Variants in MCPH1 observed in about 807,000 individuals in gnomAD.
The protein encoded by MCPH1 is microcephalin.
A neutral mutation model predicts 84.5 loss-of-function variants in MCPH1; 104 were observed. That is an observed-to-expected ratio of 1.23 (90% confidence interval 1.05 to 1.45). MCPH1 has a LOEUF of 1.45. MCPH1 is among the 40% of genes most tolerant of loss of function. The pLI is 0.00. For missense variants in MCPH1, 1,498 were observed against 1,005.7 expected (o/e 1.49, Z -6.62); for synonymous variants, 514 against 366.8 (o/e 1.40, Z -4.58).
rs1586910896 is a variant in MCPH1, at chr8:6,644,003, C to G, written c.*954C>G. The G allele has an allele frequency of 6.6e-6, 1 of 152,328 alleles. No individual in the cohort carries two copies. The highest frequency in any genetic ancestry group is 2.1e-4 in the South Asian group (1 of 4,816). 9.4% of individuals were successfully genotyped at this position (152,328 alleles called of 1,614,324 possible). The stretch of plus-strand genomic sequence containing the variant: ...CGGTGGCTCACACCTGTCATCCCAG[C>G]CCTTTGGGAGGCTGAGGTGGACAGA... On this transcript the variant is annotated 3_prime_UTR_variant, in exon 14 of 14. Coordinates refer to ENST00000344683, the MANE Select transcript of MCPH1 (RefSeq NM_024596.5).
rs760278915 is a variant in MCPH1, at chr8:6,444,457, A to G, written c.735A>G (p.Gly245=). The G allele has an allele frequency of 6.2e-7, 1 of 1,614,218 alleles. No individual in the cohort carries two copies. Among genetic ancestry groups the G allele is most frequent in the Non-Finnish European group, 8.5e-7 (1 of 1,180,030 alleles). ...ATCTTTGTGGAAACTCAGGATGTGG[A>G]AATCAGGAAAGGAAGTTGGAAGGAT... The part of the protein sequence containing the change: ...FDDLCGNSGC[G]NQERKLEGSI... Residue 245 remains glycine (G), a synonymous_variant, in exon 8 of 14, where the codon GGA becomes GGG. Coordinates refer to ENST00000344683, the MANE Select transcript of MCPH1 (RefSeq NM_024596.5).
Position 6,409,335 on chromosome 8 carries a change from A to G in MCPH1, c.79A>G (p.Thr27Ala). Residue 27 changes from threonine (T) to alanine (A), a missense_variant, in exon 2 of 14, where the codon ACA (threonine) becomes GCA (alanine). Transcript: ENST00000344683. ...CAATGGAACAGAAAATTATTCAAAG[A>G]CATTTACAACACAGCTTGTGGATAT... ...SSNGTENYSK[T>A]FTTQLVDMGA... 6.2e-7 allele frequency: 1 copy of G among 1,614,098 alleles called. No individual in the cohort carries two copies. Among genetic ancestry groups the G allele is most frequent in the Non-Finnish European group, 8.5e-7 (1 of 1,179,966 alleles).
At chr8:6,592,830 T>TG (rs1325309682) in intron 12 of MCPH1, among the ~76,000 whole-genome samples, 2 of 150,020 alleles carry the variant, frequency 1.3e-5, no homozygotes, top group Admixed American at 6.6e-5. Context: ...ATTTTTTTTT[T>TG]TTTTTTTTGT....
intron 13 of MCPH1, among the ~76,000 whole-genome samples, chr8:6,633,789 C>G (rs1195542646): frequency 1.3e-5 from 2 of 152,222 alleles, no homozygotes; most frequent in African/African-American, 2.4e-5. Context: ...ATGCATTACT[C>G]ACTGTGGTTT....
chr8:6,478,706 G>T (rs73520655), intron 10 of MCPH1, among the ~76,000 whole-genome samples: 2,044 of 152,256 alleles, frequency 0.013, 60 homozygotes, highest in African/African-American at 0.046. Flanking sequence ...TCTAGGGAGT[G>T]TGTAGTTTAG....
At chr8:6,607,121 AG>A (rs1829843834) in intron 12 of MCPH1, among the ~76,000 whole-genome samples, 2 of 152,222 alleles carry the variant, frequency 1.3e-5, no homozygotes, top group Non-Finnish European at 2.9e-5. Flanking sequence ...AAAAGCAGGA[AG>A]GCCCCTCTCA....
intron 3 of MCPH1, among the ~76,000 whole-genome samples, chr8:6,428,454 G>C (rs563595248): frequency 6.6e-6 from 1 of 152,218 alleles, no homozygotes; most frequent in East Asian, 1.9e-4. Context: ...TTGTGCAACC[G>C]TCACCACAAT....
At chr8:6,459,070 C>G (rs933236138) in intron 9 of MCPH1, among the ~76,000 whole-genome samples, 1 of 152,106 alleles carries the variant, frequency 6.6e-6, no homozygotes, top group African/African-American at 2.4e-5. Context: ...ATTTAGTTTC[C>G]TGGTTTTAAA....
At chr8:6,576,498 TCCCTTC>T (rs143775843) in intron 12 of MCPH1, among the ~76,000 whole-genome samples, 4 of 139,826 alleles carry the variant, frequency 2.9e-5, no homozygotes, top group South Asian at 4.8e-4. Flanking sequence ...CTTTTCCCTT[TCCCTTC>T]CCCTTCCCCT....
chr8:6,499,845 C>T lies in MCPH1; in HGVS notation c.2137-7C>T, dbSNP rs375022779. ...TATAATAAATCTGCTTGTTGTGTCA[C>T]TTGCAGGTGCTATGGTCTTTAGAAT... On this transcript the variant is annotated splice_polypyrimidine_tract_variant and splice_region_variant and intron_variant, in intron 11 of 13. Transcript: ENST00000344683. 1.0e-4 allele frequency: 168 copies of T among 1,612,386 alleles called. No individual in the cohort carries two copies. The highest frequency in any genetic ancestry group is 1.3e-4 in the Non-Finnish European group (148 of 1,179,562).
chr8:6,626,873 A>T lies in MCPH1; in HGVS notation c.2452+5182A>T, dbSNP rs1406124554. The T allele has an allele frequency of 4.1e-6, 4 of 984,810 alleles. No individual in the cohort carries two copies. The African/African-American group carries it at 7.0e-5, about 17-fold the overall frequency. The allele number at this position is 984,810 out of a possible 1,614,324, so 61.0% of individuals were successfully genotyped here. On this transcript the variant is annotated intron_variant, in intron 13 of 13. Coordinates refer to ENST00000344683, the MANE Select transcript of MCPH1 (RefSeq NM_024596.5). ...GAAAGGCTGGCTTGGCCTTTCTCATAGGCGTATTTCCACTCTCAGGCGCCC... is the reference window on the plus strand; with the variant it reads ...GAAAGGCTGGCTTGGCCTTTCTCATTGGCGTATTTCCACTCTCAGGCGCCC...
chr8:6,636,784 C>T lies in MCPH1; in HGVS notation c.2453-6210C>T, dbSNP rs1797589320. Among the ~76,000 whole-genome samples the T allele has an allele frequency of 2.6e-5, 4 of 152,140 alleles. 1 individual carries two copies. In the South Asian group the frequency reaches 8.3e-4, roughly 32 times the overall value. On this transcript the variant is annotated intron_variant, in intron 13 of 13. Coordinates refer to ENST00000344683, the MANE Select transcript of MCPH1 (RefSeq NM_024596.5). Reference sequence around the variant, plus strand: ...CTTCAAGATCTCTCATTGTCCATTCCAAAAATGCCACCCACCACCCCCCAA... The same window carrying T: ...CTTCAAGATCTCTCATTGTCCATTCTAAAAATGCCACCCACCACCCCCCAA...
chr8:6,621,292 C>A, intron 12 of MCPH1, 162 bp from the exon 13 acceptor site: 1 of 876,766 alleles, frequency 1.1e-6, no homozygotes, highest in Non-Finnish European at 1.8e-6. Context: ...TTAATGTCAT[C>A]ATCTTCTCTG....
chr8:6,446,846 C>T lies in MCPH1; in HGVS notation c.1825+1299C>T, dbSNP rs181014149. 96 of 985,224 alleles carry T rather than the reference C, an allele frequency of 9.7e-5. No individual in the cohort carries two copies. The African/African-American group carries it at 1.4e-3, about 15-fold the overall frequency. The allele number at this position is 985,224 out of a possible 1,614,324, so 61.0% of individuals were successfully genotyped here. On this transcript the variant is annotated intron_variant, in intron 8 of 13. Transcript: ENST00000344683. ...GTGTTGCTGGGAGTGTGCTAGTCCT[C>T]GGAAGCAGGTGTGTTATGTTCTAGA...
chr8:6,602,514 G>A (rs1045874797), intron 12 of MCPH1, among the ~76,000 whole-genome samples: 3 of 152,074 alleles, frequency 2.0e-5, no homozygotes, highest in African/African-American at 4.8e-5. Context: ...TGGAAGGGAG[G>A]GTGTGGGGCT....
chr8:6,474,098 C>A, intron 9 of MCPH1: 1 of 772,430 alleles, frequency 1.3e-6, no homozygotes, highest in Admixed American at 1.7e-5. Flanking sequence ...TATGTGAAAC[C>A]AGCGTTCAGG....
In MCPH1 at chr8:6,479,750, A is replaced by G. The variant is rs532602590; in HGVS notation, c.1974-964A>G. Among the ~76,000 whole-genome samples the G allele has an allele frequency of 2.1e-3, 323 of 152,290 alleles. 2 individuals carry two copies. The highest frequency in any genetic ancestry group is 7.6e-3 in the African/African-American group (314 of 41,566). On this transcript the variant is annotated intron_variant, in intron 10 of 13. Transcript: ENST00000344683. ...GAACTAATGGCATAGAAAGGTTATT[A>G]TAAAAGGGAAGAAAGAACTGAGGGT...
At chr8:6,624,161 T>G (rs564108037) in intron 13 of MCPH1, among the ~76,000 whole-genome samples, 8 of 152,354 alleles carry the variant, frequency 5.3e-5, no homozygotes, top group African/African-American at 1.9e-4. Flanking sequence ...GGCGAATGTC[T>G]ACCTGCTTAA....
At chr8:6,622,045 C>G (rs887842526) in intron 13 of MCPH1, 1 of 384,352 alleles carries the variant, frequency 2.6e-6, no homozygotes, top group African/African-American at 2.1e-5. Flanking sequence ...GCCTCCTTGT[C>G]CTGCTTCAGG....
Sources: gnomAD v4.1 joint callset for allele counts (sites outside exome capture counted in the v4.1 genomes callset) on GRCh38, gnomAD v4.1.1 for gene constraint, MANE v1.5 for transcripts, NCBI Gene and HGNC (gene_info 2026-07-23, HGNC 2026-07-21) for gene names.